PSMG2: variants seen among roughly 807,000 people sequenced by gnomAD.
The protein encoded by PSMG2 is CD40 ligand-activated specific transcript 3.
PSMG2 carries 21 observed loss-of-function variants against 31.5 expected under a neutral mutation model. The ratio of observed to expected loss-of-function variants is 0.67; its 90% CI spans 0.47 to 0.96. PSMG2 has a LOEUF of 0.96. PSMG2 is among the 40% of genes least tolerant of loss of function. PSMG2 has a pLI of 0.00. For synonymous variants in PSMG2, 120 were observed against 110.4 expected (o/e 1.09, Z -0.54); for missense variants, 318 against 321.2 (o/e 0.99, Z 0.08).
intron 1 of PSMG2, among the ~76,000 whole-genome samples, chr18:12,676,077 TATC>T (rs942085993): frequency 6.6e-6 from 1 of 152,152 alleles, no homozygotes; most frequent in Non-Finnish European, 1.5e-5. Flanking sequence ...ATATTTTGAT[TATC>T]ATAATGGATC....
intron 1 of PSMG2, among the ~76,000 whole-genome samples, chr18:12,673,968 C>T (rs1482587965): frequency 6.6e-6 from 1 of 152,126 alleles, no homozygotes; most frequent in Non-Finnish European, 1.5e-5. Flanking sequence ...AAATTATAGA[C>T]TATTTCCTTA....
upstream of PSMG2, chr18:12,698,896 C>T (rs2040053991): frequency 4.0e-6 from 4 of 1,005,532 alleles, no homozygotes; most frequent in Non-Finnish European, 5.8e-6. Flanking sequence ...TCTCTCCTTA[C>T]AGAAAAAGTC....
At chr18:12,664,888 AGG>A (rs1375625966) in intron 1 of PSMG2, among the ~76,000 whole-genome samples, 1 of 112,512 alleles carries the variant, frequency 8.9e-6, no homozygotes, top group Non-Finnish European at 2.0e-5. Flanking sequence ...TAGTAGAGAC[AGG>A]GTTTCACCAC....
intron 4 of PSMG2, among the ~76,000 whole-genome samples, chr18:12,719,848 C>T (rs756688426): frequency 2.6e-5 from 4 of 151,286 alleles, no homozygotes; most frequent in East Asian, 1.9e-4. Flanking sequence ...CTCAGCCTCC[C>T]GAGTACTTGG....
chr18:12,686,462 G>A (rs768222033), intron 1 of PSMG2: 2 of 1,581,904 alleles, frequency 1.3e-6, no homozygotes, highest in Non-Finnish European at 8.6e-7. Flanking sequence ...TAGGGAAAAG[G>A]GGAAAAACAT....
intron 1 of PSMG2, chr18:12,686,422 C>T (rs770831877): frequency 6.2e-7 from 1 of 1,613,424 alleles, no homozygotes; most frequent in Admixed American, 1.7e-5. Context: ...AACATAGGAA[C>T]AGACTGGTCT....
At chr18:12,672,837 G>A (rs1230871076) in intron 1 of PSMG2, 1 of 984,592 alleles carries the variant, frequency 1.0e-6, no homozygotes, top group African/African-American at 1.7e-5. Flanking sequence ...ATAAATTTCT[G>A]GACAGTCTCA....
chr18:12,671,408 C>G (rs1568006912), intron 1 of PSMG2, among the ~76,000 whole-genome samples: 1 of 151,878 alleles, frequency 6.6e-6, no homozygotes, highest in Non-Finnish European at 1.5e-5. Flanking sequence ...AAATTAAGAA[C>G]TACACATATC....
chr18:12,689,113 A>G, intron 1 of PSMG2, among the ~76,000 whole-genome samples: 1 of 152,164 alleles, frequency 6.6e-6, no homozygotes, highest in East Asian at 1.9e-4. Flanking sequence ...CTGTCTCACA[A>G]CAACAACAAA....
chr18:12,719,491 G>A (rs984487692), intron 4 of PSMG2, among the ~76,000 whole-genome samples: 15 of 151,408 alleles, frequency 9.9e-5, no homozygotes, highest in African/African-American at 3.4e-4. Context: ...GGATTCAAGC[G>A]ATTCTCCTGC....
intron 1 of PSMG2, among the ~76,000 whole-genome samples, chr18:12,672,034 G>A (rs1374302866): frequency 1.3e-5 from 2 of 151,598 alleles, no homozygotes; most frequent in East Asian, 1.9e-4. Flanking sequence ...TGGCCAGGCT[G>A]GTCTTGAACC....
chr18:12,672,655 C>T (rs1417759410), intron 1 of PSMG2: 6 of 982,132 alleles, frequency 6.1e-6, no homozygotes, highest in Non-Finnish European at 7.3e-6. Flanking sequence ...CACAATTTAT[C>T]AGTATCATAA....
upstream of PSMG2, among the ~76,000 whole-genome samples, chr18:12,699,461 T>C (rs1020741042): frequency 6.6e-6 from 1 of 152,182 alleles, no homozygotes; most frequent in African/African-American, 2.4e-5. Flanking sequence ...AGAGCCAATA[T>C]GTAGTATACT....
chr18:12,658,901 C>T (rs2038637391), intron 1 of PSMG2: 1 of 275,240 alleles, frequency 3.6e-6, no homozygotes, highest in African/African-American at 2.3e-5. Context: ...CTTCCGGATT[C>T]ATTTGTAACA....
chr18:12,658,747 A>T, exon 1 of PSMG2: 1 of 385,812 alleles, frequency 2.6e-6, no homozygotes, highest in South Asian at 1.9e-5. Context: ...CTGGTTGAAT[A>T]CCTCCCTCTC....
At chr18:12,704,507 T>C (rs938998704) in intron 1 of PSMG2, among the ~76,000 whole-genome samples, 1 of 152,100 alleles carries the variant, frequency 6.6e-6, no homozygotes, top group African/African-American at 2.4e-5. Context: ...GAGGATCACT[T>C]GAGCCCAGGA....
At chr18:12,661,102 G>A (rs2038687796) in intron 1 of PSMG2, among the ~76,000 whole-genome samples, 4 of 152,152 alleles carry the variant, frequency 2.6e-5, no homozygotes, top group Admixed American at 6.5e-5. Context: ...GAGGTCAGGA[G>A]TTCGAGACCA....
chr18:12,678,130 G>A (rs1051374949), intron 1 of PSMG2: 3 of 1,612,500 alleles, frequency 1.9e-6, no homozygotes, highest in Admixed American at 1.7e-5. Context: ...CTGACACCAG[G>A]AGCCTCAGCT....
At chr18:12,673,293 A>C (rs1568008377) in intron 1 of PSMG2, 1 of 1,517,312 alleles carries the variant, frequency 6.6e-7, no homozygotes, top group Admixed American at 2.5e-5. Flanking sequence ...ACAAACCTCT[A>C]AATAGCTAAG....
Sources: allele counts gnomAD v4.1 joint callset (sites outside exome capture counted in the v4.1 genomes callset), GRCh38; gene constraint gnomAD v4.1.1; transcripts MANE v1.5; gene names NCBI Gene and HGNC (gene_info 2026-07-23, HGNC 2026-07-21).